Variants in SMAP1 observed in about 807,000 individuals in gnomAD.
SMAP1 encodes stromal membrane-associated protein 1.
A neutral mutation model predicts 58.5 loss-of-function variants in SMAP1; 24 were observed. That is an observed-to-expected ratio of 0.41 (90% CI 0.30 to 0.58). The LOEUF (loss-of-function observed/expected upper bound fraction) is 0.58, where lower values mean the gene tolerates loss of function less well. SMAP1 is among the 20% of genes least tolerant of loss of function. The probability of loss-of-function intolerance (pLI) is 0.29; values close to 1 mark genes in which losing one functional copy is unlikely to be tolerated. For synonymous variants in SMAP1, 216 were observed against 196.6 expected (o/e 1.10, Z -0.82); for missense variants, 563 against 566.3 (o/e 0.99, Z 0.06).
intron 6 of SMAP1, among the ~76,000 whole-genome samples, chr6:70,809,065 C>T (rs957342073): frequency 4.6e-5 from 7 of 152,006 alleles, no homozygotes; most frequent in African/African-American, 1.7e-4. Context: ...AAAATAATGT[C>T]TCTTGTGCAG....
At chr6:70,842,028 T>C (rs1209793944) in intron 7 of SMAP1, among the ~76,000 whole-genome samples, 1 of 152,208 alleles carries the variant, frequency 6.6e-6, no homozygotes, top group African/African-American at 2.4e-5. Flanking sequence ...GATCCACAGT[T>C]ACCAGTGGAC....
intron 3 of SMAP1, among the ~76,000 whole-genome samples, chr6:70,765,738 TTTA>T (rs1766945886): frequency 6.6e-6 from 1 of 151,958 alleles, no homozygotes; most frequent in Non-Finnish European, 1.5e-5. Context: ...TTATTTTTTA[TTTA>T]TTTTTATTTT....
chr6:70,787,518 C>G (rs1197744003), intron 4 of SMAP1, among the ~76,000 whole-genome samples: 1 of 151,560 alleles, frequency 6.6e-6, no homozygotes, highest in Non-Finnish European at 1.5e-5. Flanking sequence ...AGGCAACCTA[C>G]AAAATGGGAG....
At chr6:70,681,002 G>A (rs949474296) in intron 1 of SMAP1, among the ~76,000 whole-genome samples, 1 of 151,904 alleles carries the variant, frequency 6.6e-6, no homozygotes, top group East Asian at 1.9e-4. Flanking sequence ...ACGGTTGTGA[G>A]CCACTGCGCC....
At chr6:70,778,241 T>G (rs1260809453) in intron 4 of SMAP1, among the ~76,000 whole-genome samples, 1 of 152,108 alleles carries the variant, frequency 6.6e-6, no homozygotes, top group African/African-American at 2.4e-5. Flanking sequence ...ATGTTGAATA[T>G]TATGTTGAAT....
chr6:70,787,388 G>C (rs952039000), intron 4 of SMAP1, among the ~76,000 whole-genome samples: 3 of 152,092 alleles, frequency 2.0e-5, no homozygotes, highest in Non-Finnish European at 4.4e-5. Flanking sequence ...CATAGGCATG[G>C]GCAAGGACTT....
intron 4 of SMAP1, among the ~76,000 whole-genome samples, chr6:70,784,506 G>A (rs1767913206): frequency 6.6e-6 from 1 of 152,112 alleles, no homozygotes; most frequent in African/African-American, 2.4e-5. Context: ...ACACAGACTG[G>A]CAAAATGGAT....
intron 5 of SMAP1, among the ~76,000 whole-genome samples, chr6:70,794,882 G>A (rs1768535172): frequency 6.7e-6 from 1 of 149,522 alleles, no homozygotes; most frequent in Admixed American, 6.8e-5. Flanking sequence ...TCTGCCTCCC[G>A]GGTTCACGCC....
intron 1 of SMAP1, among the ~76,000 whole-genome samples, chr6:70,716,878 G>A (rs1255040741): frequency 1.3e-5 from 2 of 151,904 alleles, no homozygotes; most frequent in African/African-American, 4.8e-5. Context: ...AATTTACCTG[G>A]TTCTTTTATC....
Position 70,852,664 on chromosome 6 carries a change from G to T in SMAP1, c.789G>T (p.Gln263His). 1 of 1,590,614 alleles carries T rather than the reference G, an allele frequency of 6.3e-7. No homozygotes were observed. The change falls in exon 8 of 11, where the codon CAG becomes CAT. Residue 263 changes from glutamine to histidine, a missense_variant and splice_region_variant. Physicochemically the swap from Gln to His is conservative, Grantham distance 24 (BLOSUM62 0). Coordinates refer to ENST00000370455, the MANE Select transcript of SMAP1 (RefSeq NM_001044305.3). Reference protein sequence around the residue: ...PLPATVMPPAQGTPSAPAAAT... With the variant: ...PLPATVMPPAHGTPSAPAAAT... ...CTGCAACTGTCATGCCCCCAGCTCA[G>T]GTATGTGATAAGAATATGGTTTTAT... is the stretch of plus-strand genomic sequence containing the variant.
chr6:70,685,104 G>GA (rs528730876), intron 1 of SMAP1, among the ~76,000 whole-genome samples: 1 of 152,136 alleles, frequency 6.6e-6, no homozygotes, highest in Non-Finnish European at 1.5e-5. Flanking sequence ...TAAATGAGTA[G>GA]GTGTTTGGTA....
chr6:70,732,317 T>C lies in SMAP1; in HGVS notation c.119-61T>C, dbSNP rs949245428. 6.5e-6 allele frequency: 10 copies of C among 1,531,544 alleles called. No homozygotes were observed. The African/African-American group carries it at 1.1e-4, about 17-fold the overall frequency. The allele number at this position is 1,531,544 out of a possible 1,614,324, so 94.9% of individuals were successfully genotyped here. ...AAAACCGAGAATGCTTCTAATATGCTGTTATGTTTATTTTTGTTTTTAACA... is the reference window on the plus strand; with the variant it reads ...AAAACCGAGAATGCTTCTAATATGCCGTTATGTTTATTTTTGTTTTTAACA... On this transcript the variant is annotated intron_variant, in intron 1 of 10. Transcript: ENST00000370455.
At chr6:70,818,508 TC>T (rs1273841505) in intron 6 of SMAP1, among the ~76,000 whole-genome samples, 1 of 152,180 alleles carries the variant, frequency 6.6e-6, no homozygotes, top group Non-Finnish European at 1.5e-5. Context: ...AACGGGGAAT[TC>T]TTTTAGGAAT....
intron 3 of SMAP1, among the ~76,000 whole-genome samples, chr6:70,772,380 G>A (rs565533186): frequency 2.0e-5 from 3 of 152,104 alleles, no homozygotes; most frequent in Non-Finnish European, 2.9e-5. Context: ...CTTTTGACTA[G>A]AATGATCCCC....
At chr6:70,787,459 T>C (rs562622115) in intron 4 of SMAP1, among the ~76,000 whole-genome samples, 1 of 151,936 alleles carries the variant, frequency 6.6e-6, no homozygotes, top group African/African-American at 2.4e-5. Context: ...GGGATCTAAT[T>C]AAACTAAAGA....
chr6:70,674,488 C>T (rs1375133756), intron 1 of SMAP1, among the ~76,000 whole-genome samples: 1 of 152,116 alleles, frequency 6.6e-6, no homozygotes, highest in African/African-American at 2.4e-5. Flanking sequence ...TTCAGTTTCT[C>T]AATTTTCTCA....
intron 3 of SMAP1, among the ~76,000 whole-genome samples, chr6:70,761,581 C>T (rs185105544): frequency 2.3e-4 from 35 of 152,082 alleles, no homozygotes; most frequent in Admixed American, 2.2e-3. Context: ...TGATGGTATG[C>T]AAGCCATCTT....
At chr6:70,776,763 T>C (rs1767564260) in intron 4 of SMAP1, among the ~76,000 whole-genome samples, 1 of 152,190 alleles carries the variant, frequency 6.6e-6, no homozygotes, top group Non-Finnish European at 1.5e-5. Flanking sequence ...TGTGCCTGAC[T>C]TATTTTACTT....
chr6:70,770,614 C>A (rs1158018116), intron 3 of SMAP1, among the ~76,000 whole-genome samples: 3 of 152,044 alleles, frequency 2.0e-5, no homozygotes, highest in Non-Finnish European at 4.4e-5. Flanking sequence ...TCCTTTAAGC[C>A]CTTCTCTATA....
Sources: gnomAD v4.1 joint callset for allele counts (sites outside exome capture counted in the v4.1 genomes callset) on GRCh38, gnomAD v4.1.1 for gene constraint, MANE v1.5 for transcripts, NCBI Gene and HGNC (gene_info 2026-07-23, HGNC 2026-07-21) for gene names.